Variants in ASTN2 observed in about 807,000 individuals in gnomAD.
ASTN2 encodes astrotactin 2.
Under a neutral mutation model 139.8 loss-of-function variants are expected in ASTN2, and 54 were observed. That is an observed-to-expected ratio of 0.39 (90% CI 0.31 to 0.48). The LOEUF (loss-of-function observed/expected upper bound fraction) is 0.48, where lower values mean the gene tolerates loss of function less well. Ranked by LOEUF, ASTN2 falls within the 20% of genes least tolerant of loss-of-function variation. ASTN2 has a pLI of 0.95. For missense variants in ASTN2, 1,565 were observed against 1,725.1 expected, an observed-to-expected ratio of 0.91 and a Z score of 1.64; for synonymous variants, 756 against 719.5, an observed-to-expected ratio of 1.05 and a Z score of -0.81.
chr9:117,230,816 G>T (rs895792637), intron 2 of ASTN2, among the ~76,000 whole-genome samples: 1 of 152,112 alleles, frequency 6.6e-6, no homozygotes, highest in African/African-American at 2.4e-5. Context: ...CAGCAATGAC[G>T]AAAGATTCCA....
intron 14 of ASTN2, among the ~76,000 whole-genome samples, chr9:116,732,598 T>A (rs1261782336): frequency 6.6e-6 from 1 of 151,918 alleles, no homozygotes; most frequent in East Asian, 1.9e-4. Flanking sequence ...AAAGGCAGAG[T>A]CGAGAACCTC....
chr9:117,044,884 G>A (rs1455695293), intron 5 of ASTN2, among the ~76,000 whole-genome samples: 2 of 152,196 alleles, frequency 1.3e-5, no homozygotes, highest in Non-Finnish European at 1.5e-5. Flanking sequence ...TCTCAGCTAA[G>A]TGTCTCCATC....
chr9:117,271,795 G>A (rs1454165395), intron 2 of ASTN2, among the ~76,000 whole-genome samples: 1 of 152,206 alleles, frequency 6.6e-6, no homozygotes, highest in African/African-American at 2.4e-5. Flanking sequence ...TCCAGGTCAC[G>A]CTGATGCAAG....
At chr9:116,445,661 A>G (rs1025240990) in intron 20 of ASTN2, among the ~76,000 whole-genome samples, 1 of 152,156 alleles carries the variant, frequency 6.6e-6, no homozygotes, top group African/African-American at 2.4e-5. Flanking sequence ...GCTTTCTCCA[A>G]TTGCTGGCTG....
chr9:117,036,610 G>A (rs1231986210), intron 6 of ASTN2, among the ~76,000 whole-genome samples: 1 of 152,084 alleles, frequency 6.6e-6, no homozygotes, highest in Non-Finnish European at 1.5e-5. Context: ...TCCCCCCAGG[G>A]CCAGATACCA....
intron 15 of ASTN2, 113 bp downstream of exon 15, chr9:116,728,879 C>T: frequency 1.2e-6 from 1 of 841,534 alleles, no homozygotes; most frequent in Non-Finnish European, 1.9e-6. Flanking sequence ...GAGGATGCAT[C>T]CTCATTTCCT....
intron 17 of ASTN2, among the ~76,000 whole-genome samples, chr9:116,621,414 TACACACACACACACACACACATGCACGC>T (rs1313422660): frequency 8.4e-5 from 12 of 142,256 alleles, no homozygotes; most frequent in Non-Finnish European, 1.4e-4. Context: ...TTAAAACACA[TACACACACACACACACACACATGCACGC>T]ACACACACAC....
chr9:117,316,883 T>A (rs1252556329), intron 1 of ASTN2, among the ~76,000 whole-genome samples: 1 of 152,120 alleles, frequency 6.6e-6, no homozygotes, highest in East Asian at 1.9e-4. Flanking sequence ...TCAGAAGTTG[T>A]CCAAGAAAGA....
chr9:116,841,331 C>T, intron 11 of ASTN2, among the ~76,000 whole-genome samples: 1 of 152,176 alleles, frequency 6.6e-6, no homozygotes, highest in Non-Finnish European at 1.5e-5. Context: ...GCAGCAGTAC[C>T]GTCCAGCTTC....
intron 5 of ASTN2, among the ~76,000 whole-genome samples, chr9:117,066,286 G>C (rs1185897519): frequency 6.9e-6 from 1 of 144,882 alleles, no homozygotes; most frequent in Non-Finnish European, 1.5e-5. Context: ...TTTTGTTCTT[G>C]TGATAGTTTA....
At chr9:116,790,434 T>A (rs1459884746) in intron 13 of ASTN2, among the ~76,000 whole-genome samples, 1 of 151,994 alleles carries the variant, frequency 6.6e-6, no homozygotes, top group Non-Finnish European at 1.5e-5. Flanking sequence ...CTTCCTTACC[T>A]CTGCAATCCC....
At chr9:116,701,937 G>A (rs555970539) in intron 16 of ASTN2, among the ~76,000 whole-genome samples, 4 of 139,616 alleles carry the variant, frequency 2.9e-5, no homozygotes, top group African/African-American at 7.9e-5. Context: ...TCCAAATAAA[G>A]TCTTATATGG....
intron 19 of ASTN2, among the ~76,000 whole-genome samples, chr9:116,515,117 C>T (rs1850588840): frequency 6.6e-6 from 1 of 152,166 alleles, no homozygotes; most frequent in African/African-American, 2.4e-5. Flanking sequence ...TGGAGCTGTC[C>T]TATTCAGCCT....
intron 4 of ASTN2, among the ~76,000 whole-genome samples, chr9:117,112,701 C>G (rs891511764): frequency 2.6e-5 from 4 of 151,482 alleles, no homozygotes; most frequent in African/African-American, 7.3e-5. Context: ...TTGGGGTAGG[C>G]AAAGGTCATA....
At chr9:116,482,812 CT>C (rs1849216438) in intron 20 of ASTN2, among the ~76,000 whole-genome samples, 1 of 152,342 alleles carries the variant, frequency 6.6e-6, no homozygotes, top group Non-Finnish European at 1.5e-5. Flanking sequence ...CCCAGGCTCC[CT>C]TGGCATTCCT....
intron 17 of ASTN2, among the ~76,000 whole-genome samples, chr9:116,646,052 T>C (rs1356126486): frequency 6.6e-6 from 1 of 152,198 alleles, no homozygotes; most frequent in African/African-American, 2.4e-5. Flanking sequence ...AAGTAGGGAT[T>C]GTGAGACCAC....
chr9:116,532,825 A>G (rs4588930), intron 19 of ASTN2, among the ~76,000 whole-genome samples: 91,408 of 152,036 alleles, frequency 0.6, 28,464 homozygotes, highest in African/African-American at 0.76. Context: ...TTTTTGCTTC[A>G]GGTTGTCTTG....
intron 4 of ASTN2, among the ~76,000 whole-genome samples, chr9:117,118,066 T>C (rs1819514572): frequency 6.6e-6 from 1 of 152,230 alleles, no homozygotes; most frequent in South Asian, 2.1e-4. Context: ...TGACCAGTTA[T>C]AAGGAAAGCT....
chr9:117,308,834 C>A (rs1237796103), intron 1 of ASTN2, among the ~76,000 whole-genome samples: 1 of 152,028 alleles, frequency 6.6e-6, no homozygotes, highest in Non-Finnish European at 1.5e-5. Context: ...GAGATGCTGG[C>A]AGTGAGGGGA....
Sources: allele counts gnomAD v4.1 joint callset (sites outside exome capture counted in the v4.1 genomes callset), GRCh38; gene constraint gnomAD v4.1.1; transcripts MANE v1.5; gene names NCBI Gene and HGNC (gene_info 2026-07-23, HGNC 2026-07-21).